Variants in COMMD1 observed in about 807,000 individuals in gnomAD.
COMMD1 encodes the protein copper metabolism domain containing 1, also known as COMM domain-containing protein 1.
In COMMD1, 10 loss-of-function variants were observed where a neutral mutation model predicts 17.2. The observed-to-expected ratio is 0.58, with a 90% CI of 0.36 to 0.99. The LOEUF (loss-of-function observed/expected upper bound fraction) is 0.99, where lower values mean the gene tolerates loss of function less well. Ranked by LOEUF, COMMD1 falls within the 50% of genes least tolerant of loss-of-function variation. COMMD1 has a pLI of 0.01. For missense variants in COMMD1, 270 were observed against 231.8 expected (o/e 1.17, Z -1.07); for synonymous variants, 97 against 91.6 (o/e 1.06, Z -0.34).
intron 2 of COMMD1, among the ~76,000 whole-genome samples, chr2:62,099,373 A>G (rs1672110014): frequency 6.6e-6 from 1 of 152,194 alleles, no homozygotes; most frequent in African/African-American, 2.4e-5. Flanking sequence ...AGCACACAAG[A>G]AAACCAATTT....
chr2:61,930,332 C>T (rs778722624), intron 1 of COMMD1, among the ~76,000 whole-genome samples: 5 of 152,046 alleles, frequency 3.3e-5, no homozygotes, highest in East Asian at 1.9e-4. Context: ...CCGAGGCAGG[C>T]GGATCATGAG....
intron 2 of COMMD1, among the ~76,000 whole-genome samples, chr2:62,043,077 A>C (rs1309537225): frequency 6.6e-6 from 1 of 152,208 alleles, no homozygotes; most frequent in Admixed American, 6.5e-5. Flanking sequence ...TGTTTTATTC[A>C]AAGATGCCAA....
At chr2:61,995,098 A>AT (rs35882343) in intron 1 of COMMD1, among the ~76,000 whole-genome samples, 119,612 of 151,744 alleles carry the variant, frequency 0.79, 48,287 homozygotes, top group South Asian at 0.93. Flanking sequence ...TCAGCTTAAA[A>AT]TTTTTTTTTC....
chr2:61,978,019 G>T (rs759702464), intron 1 of COMMD1, among the ~76,000 whole-genome samples: 8 of 151,592 alleles, frequency 5.3e-5, no homozygotes, highest in Non-Finnish European at 7.4e-5. Context: ...ATTGAGCCAG[G>T]CATGGTGGAT....
chr2:62,060,126 C>G (rs1308880913), intron 2 of COMMD1, among the ~76,000 whole-genome samples: 2 of 152,008 alleles, frequency 1.3e-5, no homozygotes, highest in Non-Finnish European at 2.9e-5. Context: ...CTCAGGAGTT[C>G]CAGACCGGCT....
intron 1 of COMMD1, among the ~76,000 whole-genome samples, chr2:61,929,357 A>G (rs1483339713): frequency 6.6e-6 from 1 of 152,140 alleles, no homozygotes; most frequent in East Asian, 1.9e-4. Context: ...GCAAAAGTTA[A>G]TTTCATCTTG....
At chr2:61,920,115 T>A (rs1438771521) in intron 1 of COMMD1, among the ~76,000 whole-genome samples, 2 of 152,162 alleles carry the variant, frequency 1.3e-5, no homozygotes, top group Non-Finnish European at 2.9e-5. Context: ...AGTGCAGTAT[T>A]TTTCTGTCTT....
At chr2:62,094,880 T>C (rs1337178076) in intron 2 of COMMD1, among the ~76,000 whole-genome samples, 1 of 152,246 alleles carries the variant, frequency 6.6e-6, no homozygotes, top group Non-Finnish European at 1.5e-5. Flanking sequence ...GAGGTCCAGA[T>C]TAGCTGGTCA....
chr2:62,082,946 C>G (rs1055529897), intron 2 of COMMD1, among the ~76,000 whole-genome samples: 3 of 152,060 alleles, frequency 2.0e-5, no homozygotes, highest in Non-Finnish European at 4.4e-5. Flanking sequence ...TTTAGCATCT[C>G]TCATTTTTAG....
chr2:62,073,447 T>C (rs964625204), intron 2 of COMMD1, among the ~76,000 whole-genome samples: 1 of 152,262 alleles, frequency 6.6e-6, no homozygotes, highest in Non-Finnish European at 1.5e-5. Context: ...ACCTCGTCTT[T>C]AGACAGTAGT....
chr2:61,955,312 T>TTCTATC (rs149035294), intron 1 of COMMD1, among the ~76,000 whole-genome samples: 1 of 145,382 alleles, frequency 6.9e-6, no homozygotes, highest in African/African-American at 2.5e-5. Flanking sequence ...CTCTCTCTCT[T>TTCTATC]TCTCTCTCTC....
chr2:61,910,273 C>T (rs1290556472), intron 1 of COMMD1, among the ~76,000 whole-genome samples: 2 of 150,144 alleles, frequency 1.3e-5, no homozygotes, highest in Middle Eastern at 3.4e-3. Context: ...TTTTTTAAGA[C>T]GGAGTCTCAC....
intron 2 of COMMD1, among the ~76,000 whole-genome samples, chr2:62,076,011 G>A (rs138024451): frequency 1.3e-5 from 2 of 152,320 alleles, no homozygotes; most frequent in Non-Finnish European, 2.9e-5. Context: ...TAAAGGGAAT[G>A]GAAAAGACCT....
intron 1 of COMMD1, among the ~76,000 whole-genome samples, chr2:61,935,822 A>AT (rs112285857): frequency 6.6e-4 from 96 of 146,014 alleles, no homozygotes; most frequent in South Asian, 1.5e-3. Flanking sequence ...TAGGTTATCG[A>AT]TTTTTTTTTT....
At chr2:62,064,038 C>A (rs1405745456) in intron 2 of COMMD1, among the ~76,000 whole-genome samples, 1 of 150,612 alleles carries the variant, frequency 6.6e-6, no homozygotes, top group South Asian at 2.1e-4. Context: ...CAGAGTGAGA[C>A]CCTGTCTCAA....
chr2:61,889,968 C>T (rs1382539882), intron 1 of COMMD1, among the ~76,000 whole-genome samples: 1 of 152,006 alleles, frequency 6.6e-6, no homozygotes, highest in Non-Finnish European at 1.5e-5. Flanking sequence ...GAACTGAAGC[C>T]CAGGGTAAAC....
rs541273356 is a variant in COMMD1 at position 62,042,620 on chromosome 2, G to A, written c.462+41638G>A. On this transcript the variant is annotated intron_variant, in intron 2 of 2. Coordinates refer to ENST00000311832, the MANE Select transcript of COMMD1 (RefSeq NM_152516.4). ...CGTGCCTCTCCCTCCACACCTCCCC[G>A]CGAGCAGGGGGAGCCGGCTCTGGCC... is the stretch of plus-strand genomic sequence containing the variant. Among the ~76,000 whole-genome samples, 27 of 152,278 alleles carry A rather than the reference G, an allele frequency of 1.8e-4. No homozygotes were observed. In the East Asian group the frequency reaches 1.9e-3, roughly 11 times the overall value.
chr2:61,894,514 C>G (rs1350646841), intron 1 of COMMD1, among the ~76,000 whole-genome samples: 1 of 150,824 alleles, frequency 6.6e-6, no homozygotes, highest in African/African-American at 2.4e-5. Flanking sequence ...ACAAGAAATA[C>G]AAGGATTTCT....
chr2:62,002,911 A>G (rs1341853623), intron 2 of COMMD1, among the ~76,000 whole-genome samples: 2 of 152,008 alleles, frequency 1.3e-5, no homozygotes. Flanking sequence ...TGCTACTTGT[A>G]CTTGTTGACT....
Sources: gnomAD v4.1 joint callset for allele counts (sites outside exome capture counted in the v4.1 genomes callset) on GRCh38, gnomAD v4.1.1 for gene constraint, MANE v1.5 for transcripts, NCBI Gene and HGNC (gene_info 2026-07-23, HGNC 2026-07-21) for gene names.